The following KIF18A variants were observed in gnomAD, a reference collection of about 807,000 sequenced individuals.
KIF18A encodes the protein kinesin-like protein KIF18A.
Under a neutral mutation model 103.3 loss-of-function variants are expected in KIF18A, and 67 were observed. The ratio of observed to expected loss-of-function variants is 0.65; its 90% confidence interval spans 0.53 to 0.79. KIF18A has a LOEUF of 0.79. Ranked by LOEUF, KIF18A falls within the 30% of genes least tolerant of loss-of-function variation. KIF18A has a pLI of 0.00. For synonymous variants in KIF18A, 367 were observed against 355.5 expected (o/e 1.03, Z -0.36); for missense variants, 1,032 against 1,062.5 (o/e 0.97, Z 0.40).
chr11:28,084,461 G>A (rs1851201861), intron 7 of KIF18A, 171 bp downstream of exon 7: 1 of 313,050 alleles, frequency 3.2e-6, no homozygotes, highest in Middle Eastern at 7.8e-4. Context: ...ATGCTTTATG[G>A]TTTAACCGTC....
At chr11:28,025,003 T>G (rs1850297067) in intron 15 of KIF18A, among the ~76,000 whole-genome samples, 1 of 152,036 alleles carries the variant, frequency 6.6e-6, no homozygotes, top group Non-Finnish European at 1.5e-5. Context: ...AGTAAGAGAT[T>G]AACAATAATA....
At chr11:28,107,487 A>G (rs965521880) in intron 1 of KIF18A, among the ~76,000 whole-genome samples, 4 of 152,042 alleles carry the variant, frequency 2.6e-5, no homozygotes, top group Non-Finnish European at 5.9e-5. Context: ...TCTCTTCCGT[A>G]CCTCATCTGA....
chr11:28,026,430 A>C (rs1850322380), intron 15 of KIF18A, among the ~76,000 whole-genome samples: 1 of 151,820 alleles, frequency 6.6e-6, no homozygotes, highest in African/African-American at 2.4e-5. Context: ...AAAAAAAGTA[A>C]TCATGTACAT....
chr11:28,032,094 C>A (rs1452253503), intron 15 of KIF18A, among the ~76,000 whole-genome samples: 1 of 135,114 alleles, frequency 7.4e-6, no homozygotes, highest in African/African-American at 3.2e-5. Flanking sequence ...TATACAAACA[C>A]TGAAATAATT....
intron 13 of KIF18A, among the ~76,000 whole-genome samples, chr11:28,045,418 G>T (rs1012222225): frequency 1.3e-5 from 2 of 151,480 alleles, no homozygotes; most frequent in Non-Finnish European, 2.9e-5. Flanking sequence ...AAAAAGAGAT[G>T]CTTCATGTCT....
At chr11:28,046,552 A>C (rs1590674033) in intron 13 of KIF18A, among the ~76,000 whole-genome samples, 3 of 85,088 alleles carry the variant, frequency 3.5e-5, no homozygotes, top group East Asian at 3.6e-4. Flanking sequence ...GTTGTGGGGT[A>C]GGGGGAGGGG....
At chr11:28,036,701 T>G in intron 13 of KIF18A, 37 bp from the exon 14 acceptor site, 2 of 1,327,472 alleles carry the variant, frequency 1.5e-6, no homozygotes, top group South Asian at 1.6e-5. Context: ...TCGATAATGT[T>G]TCCTAGTTTT....
intron 3 of KIF18A, among the ~76,000 whole-genome samples, chr11:28,091,879 A>C (rs999084690): frequency 6.6e-6 from 1 of 152,088 alleles, no homozygotes; most frequent in Non-Finnish European, 1.5e-5. Context: ...ACAGTGGCGC[A>C]ATCTCGGCTC....
At chr11:28,077,529 A>G (rs1002955417) in intron 9 of KIF18A, among the ~76,000 whole-genome samples, 1 of 152,154 alleles carries the variant, frequency 6.6e-6, no homozygotes, top group African/African-American at 2.4e-5. Flanking sequence ...TTGGAAAAGG[A>G]TGATAACCTG....
intron 1 of KIF18A, among the ~76,000 whole-genome samples, chr11:28,099,947 C>T (rs868775697): frequency 1.3e-5 from 2 of 152,094 alleles, no homozygotes; most frequent in Non-Finnish European, 2.9e-5. Flanking sequence ...AGACAAGAGA[C>T]AACTCTGTCA....
chr11:28,039,822 T>C (rs1383318181), intron 13 of KIF18A, among the ~76,000 whole-genome samples: 1 of 151,748 alleles, frequency 6.6e-6, no homozygotes, highest in Non-Finnish European at 1.5e-5. Flanking sequence ...TTACATACAA[T>C]TGTTTTACTG....
chr11:28,058,903 C>T, intron 13 of KIF18A, 23 bp downstream of exon 13: 1 of 1,580,420 alleles, frequency 6.3e-7, no homozygotes, highest in Non-Finnish European at 8.7e-7. Context: ...TTACTATTTA[C>T]TTAAAACGAA....
chr11:28,032,123 C>A (rs117447129), intron 15 of KIF18A, among the ~76,000 whole-genome samples: 1 of 151,080 alleles, frequency 6.6e-6, no homozygotes, highest in Admixed American at 6.6e-5. Flanking sequence ...AAAGTAATCC[C>A]CTTTACAAAA....
At chr11:28,056,475 T>C (rs1850781934) in intron 13 of KIF18A, among the ~76,000 whole-genome samples, 1 of 151,854 alleles carries the variant, frequency 6.6e-6, no homozygotes, top group Non-Finnish European at 1.5e-5. Context: ...AATGGGAAAG[T>C]GCCATGCAAT....
chr11:28,094,881 T>C (rs1851349520), intron 2 of KIF18A, 81 bp from the exon 3 acceptor site: 7 of 1,304,680 alleles, frequency 5.4e-6, no homozygotes, highest in Non-Finnish European at 7.8e-6. Context: ...GATAGTTCCA[T>C]CTGGATATCC....
At chr11:28,085,558 A>T (rs1851216478) in intron 6 of KIF18A, among the ~76,000 whole-genome samples, 1 of 152,194 alleles carries the variant, frequency 6.6e-6, no homozygotes, top group Admixed American at 6.5e-5. Context: ...TCTCTCTGTT[A>T]TCGGCTACCT....
Position 28,084,805 on chromosome 11 carries a change from TTC to T in KIF18A, c.899_900del (p.Arg300LysfsTer10). On this transcript the variant is annotated frameshift_variant and splice_region_variant, in exon 7 of 17. Coordinates refer to ENST00000263181, the MANE Select transcript of KIF18A (RefSeq NM_031217.4). LOFTEE classifies it high-confidence loss of function. ...TTTCTGTAAGGGATATGCTGATTCT[TTC>T]TCTGAAAGCACAAAAAAGAGATCTT... is the stretch of plus-strand genomic sequence containing the variant. ...NVINALADSK[R>X]KNQHIPYRNS... 6.2e-7 allele frequency: 1 copy of T among 1,609,378 alleles called. No individual in the cohort carries two copies. The highest frequency in any genetic ancestry group is 1.7e-4 in the Middle Eastern group (1 of 6,022).
chr11:28,056,313 G>A (rs1850779871), intron 13 of KIF18A, among the ~76,000 whole-genome samples: 1 of 151,812 alleles, frequency 6.6e-6, no homozygotes, highest in Non-Finnish European at 1.5e-5. Context: ...TCCAGAATTG[G>A]AAATATAGCG....
intron 16 of KIF18A, among the ~76,000 whole-genome samples, chr11:28,022,954 C>A (rs1430027856): frequency 6.6e-6 from 1 of 152,122 alleles, no homozygotes; most frequent in Non-Finnish European, 1.5e-5. Context: ...CATGAGACAC[C>A]TTTAAATTGC....
Sources: gnomAD v4.1 joint callset for allele counts (sites outside exome capture counted in the v4.1 genomes callset) on GRCh38, gnomAD v4.1.1 for gene constraint, MANE v1.5 for transcripts, NCBI Gene and HGNC (gene_info 2026-07-23, HGNC 2026-07-21) for gene names.